The following MYH1 variants were observed in gnomAD, a reference collection of about 807,000 sequenced individuals.
MYH1 encodes the protein myosin-1.
MYH1 carries 214 observed loss-of-function variants against 225.6 expected under a neutral mutation model. That is an observed-to-expected ratio of 0.95 (90% confidence interval 0.85 to 1.06). The LOEUF (loss-of-function observed/expected upper bound fraction) is 1.06, where lower values mean the gene tolerates loss of function less well. Among genes scored for constraint, MYH1 ranks in the 50% least tolerant of loss-of-function variants. MYH1 has a pLI of 0.00. For missense variants in MYH1, 2,098 were observed against 2,344.2 expected (o/e 0.89, Z 2.17); for synonymous variants, 774 against 842.3 (o/e 0.92, Z 1.40).
chr17:10,512,651 AT>A, intron 11 of MYH1, 29 bp downstream of exon 11: 1 of 1,612,312 alleles, frequency 6.2e-7, no homozygotes, highest in Non-Finnish European at 8.5e-7. Flanking sequence ...TGCATAATGG[AT>A]TTTAAATTAA....
intron 33 of MYH1, 145 bp from the exon 34 acceptor site, chr17:10,496,694 G>T: frequency 7.6e-7 from 1 of 1,311,622 alleles, no homozygotes. Context: ...TCATTTTCAT[G>T]CCTTTGCATT....
Position 10,506,042 on chromosome 17 carries a change from A to T in MYH1, c.2026T>A (p.Cys676Ser), listed in dbSNP as rs2073109042. ...GTTTTAGTTTCATTGGGGATGATGC[A>T]CCGCACAAAGTGGGGGTGAGTGCTC... ...LRSTHPHFVRCIIPNETKTPG... is the reference protein window; with the variant it reads ...LRSTHPHFVRSIIPNETKTPG... Residue 676 changes from cysteine (C) to serine (S), a missense_variant, in exon 18 of 40, where the codon TGC becomes AGC. Physicochemically the swap from Cys to Ser is moderately radical, Grantham distance 112. Coordinates refer to ENST00000226207, the MANE Select transcript of MYH1 (RefSeq NM_005963.4). The T allele has an allele frequency of 6.2e-7, 1 of 1,614,078 alleles. No individual in the cohort carries two copies. The highest frequency in any genetic ancestry group is 8.5e-7 in the Non-Finnish European group (1 of 1,180,036).
rs1597439733 is a variant in MYH1 at position 10,506,072 on chromosome 17, A to G, written c.1996T>C (p.Leu666=). The G allele has an allele frequency of 6.2e-6, 10 of 1,614,122 alleles. No homozygotes were observed. The highest frequency in any genetic ancestry group is 7.6e-6 in the Non-Finnish European group (9 of 1,180,046). ...RENLNKLMTN[L]RSTHPHFVRC... is the part of the protein sequence containing the mutation. ...ACAAAGTGGGGGTGAGTGCTCCTCA[A>G]GTTGGTCATCAGCTTATTCAAATTC... Residue 666 remains leucine (L), a synonymous_variant, in exon 18 of 40, where the codon TTG becomes CTG. Coordinates refer to ENST00000226207, the MANE Select transcript of MYH1 (RefSeq NM_005963.4).
intron 17 of MYH1, among the ~76,000 whole-genome samples, chr17:10,507,091 T>C (rs1420258435): frequency 6.6e-6 from 1 of 151,906 alleles, no homozygotes. Context: ...TGAGATGGAG[T>C]CTTGCTCTGT....
chr17:10,504,428 G>C (rs2073088915), intron 22 of MYH1, among the ~76,000 whole-genome samples: 1 of 152,162 alleles, frequency 6.6e-6, no homozygotes, highest in Admixed American at 6.5e-5. Context: ...TCAGAATATT[G>C]ATTTCAAGTT....
At chr17:10,514,703 T>C (rs1249085040) in intron 6 of MYH1, among the ~76,000 whole-genome samples, 165 bp downstream of exon 6, 5 of 152,254 alleles carry the variant, frequency 3.3e-5, no homozygotes. Context: ...ATTATTATTT[T>C]ACATTCTAAT....
chr17:10,498,196 C>A (rs755275964), intron 30 of MYH1, among the ~76,000 whole-genome samples: 1 of 152,206 alleles, frequency 6.6e-6, no homozygotes, highest in East Asian at 1.9e-4. Flanking sequence ...TGGTTTATTC[C>A]TCTTCTGTAG....
At chr17:10,495,840 C>T in intron 35 of MYH1, 110 bp downstream of exon 35, 1 of 1,239,758 alleles carries the variant, frequency 8.1e-7, no homozygotes, top group Non-Finnish European at 1.1e-6. Context: ...ATATTTTAAA[C>T]TTTATCCTTC....
chr17:10,511,263 A>G (rs568978059), intron 14 of MYH1, among the ~76,000 whole-genome samples: 1 of 151,926 alleles, frequency 6.6e-6, no homozygotes, highest in Admixed American at 6.6e-5. Context: ...TAGGCAGACA[A>G]ATTTGAGTTT....
intron 28 of MYH1, 87 bp from the exon 29 acceptor site, chr17:10,499,179 GT>G (rs1328007830): frequency 8.6e-7 from 1 of 1,158,528 alleles, no homozygotes. Context: ...AGGGAGCCAA[GT>G]TTGAAACTTG....
intron 37 of MYH1, 107 bp downstream of exon 37, chr17:10,494,824 G>A: frequency 6.3e-7 from 1 of 1,596,516 alleles, no homozygotes; most frequent in Non-Finnish European, 8.6e-7. Context: ...TGAGGGAATA[G>A]CTCTCCCTCA....
chr17:10,515,585 A>G (rs2073216966), intron 5 of MYH1, among the ~76,000 whole-genome samples: 2 of 152,190 alleles, frequency 1.3e-5, no homozygotes, highest in Non-Finnish European at 2.9e-5. Context: ...ATTTCTATTC[A>G]GATAATACAT....
At chr17:10,502,091 A>C (rs1027850473) in intron 24 of MYH1, among the ~76,000 whole-genome samples, 180 bp from the exon 25 acceptor site, 4 of 152,242 alleles carry the variant, frequency 2.6e-5, no homozygotes. Context: ...TTTAAAAGGT[A>C]AAATGTGCCT....
chr17:10,513,603 A>G (rs779231683), intron 9 of MYH1, 23 bp downstream of exon 9: 98 of 1,608,894 alleles, frequency 6.1e-5, no homozygotes, highest in Admixed American at 1.5e-4. Context: ...CTTGGATTCT[A>G]TTTAGGAGGT....
intron 33 of MYH1, among the ~76,000 whole-genome samples, 168 bp from the exon 34 acceptor site, chr17:10,496,717 T>C (rs1260079661): frequency 6.6e-6 from 1 of 152,238 alleles, no homozygotes; most frequent in African/African-American, 2.4e-5. Context: ...CTTGCTATTC[T>C]CTAACACACA....
In MYH1 at chr17:10,492,338, G is replaced by T. The variant is rs1597432357; in HGVS notation, c.*78C>A. 6.5e-6 allele frequency: 10 copies of T among 1,542,026 alleles called. No homozygotes were observed. Among genetic ancestry groups the T allele is most frequent in the Non-Finnish European group, 7.9e-6 (9 of 1,139,358 alleles). On this transcript the variant is annotated 3_prime_UTR_variant, in exon 40 of 40. Coordinates refer to ENST00000226207, the MANE Select transcript of MYH1 (RefSeq NM_005963.4). Reference sequence around the variant, plus strand: ...GCAGATAAATTTTTTATCTCCAAAAGTCATAAGTACAAAATGGAGTGACAA... The same window carrying T: ...GCAGATAAATTTTTTATCTCCAAAATTCATAAGTACAAAATGGAGTGACAA...
Position 10,497,145 on chromosome 17 carries a change from A to G in MYH1, c.4580T>C (p.Ile1527Thr). 1 of 1,614,106 alleles carries G rather than the reference A, an allele frequency of 6.2e-7. No homozygotes were observed. The highest frequency in any genetic ancestry group is 8.5e-7 in the Non-Finnish European group (1 of 1,180,016). The change falls in exon 33 of 40, where the codon ATC (isoleucine) becomes ACC (threonine). Residue 1527 changes from isoleucine to threonine, a missense_variant. Physicochemically the swap from Ile to Thr is moderately conservative, Grantham distance 89 (BLOSUM62 -1). Transcript: ENST00000226207. ...CTTCTTTATTTTTTCCAGTTCATGG[A>G]TGCGCTTTCCTCCTTCTGCAATCTG... ...TEQIAEGGKR[I>T]HELEKIKKQV...
intron 2 of MYH1, among the ~76,000 whole-genome samples, chr17:10,517,653 T>C (rs780616876): frequency 6.6e-6 from 1 of 152,174 alleles, no homozygotes; most frequent in Non-Finnish European, 1.5e-5. Context: ...ATTAAAATGC[T>C]TCATCTTGCT....
chr17:10,504,770 T>G (rs527481314), intron 22 of MYH1, 40 bp downstream of exon 22: 1 of 1,609,424 alleles, frequency 6.2e-7, no homozygotes, highest in East Asian at 2.2e-5. Context: ...GAGCTGAAGT[T>G]TTAGCATCAG....
Sources: allele counts gnomAD v4.1 joint callset (sites outside exome capture counted in the v4.1 genomes callset), GRCh38; gene constraint gnomAD v4.1.1; transcripts MANE v1.5; gene names NCBI Gene and HGNC (gene_info 2026-07-23, HGNC 2026-07-21).